Variants in FAF1 observed in about 807,000 individuals in gnomAD.
FAF1 encodes Fas associated factor 1.
FAF1 carries 25 observed loss-of-function variants against 92.5 expected under a neutral mutation model. The ratio of observed to expected loss-of-function variants is 0.27; its 90% CI spans 0.20 to 0.38. FAF1 has a LOEUF of 0.38. Ranked by LOEUF, FAF1 falls within the 10% of genes least tolerant of loss-of-function variation. The pLI is 1.00. For missense variants in FAF1, 636 were observed against 793.3 expected (o/e 0.80, Z 2.38); for synonymous variants, 234 against 273.2 (o/e 0.86, Z 1.42).
intron 2 of FAF1, among the ~76,000 whole-genome samples, chr1:50,834,623 A>C (rs1644184134): frequency 6.6e-6 from 1 of 152,208 alleles, no homozygotes; most frequent in African/African-American, 2.4e-5. Flanking sequence ...CTATTCCAAT[A>C]CTCAGGATGA....
At chr1:50,736,959 T>C (rs1388164285) in intron 6 of FAF1, among the ~76,000 whole-genome samples, 2 of 152,214 alleles carry the variant, frequency 1.3e-5, no homozygotes, top group African/African-American at 2.4e-5. Flanking sequence ...GAAAGATACA[T>C]TGAATAAACA....
At chr1:50,718,751 A>G (rs955759489) in intron 6 of FAF1, among the ~76,000 whole-genome samples, 1 of 152,202 alleles carries the variant, frequency 6.6e-6, no homozygotes, top group African/African-American at 2.4e-5. Context: ...TTTACCATTT[A>G]TATCTTTCCA....
chr1:50,512,647 T>C (rs1234786679), intron 15 of FAF1, among the ~76,000 whole-genome samples: 1 of 152,220 alleles, frequency 6.6e-6, no homozygotes, highest in East Asian at 1.9e-4. Flanking sequence ...CCTTGTAGTA[T>C]AGTTTGAAGT....
At chr1:50,556,772 G>C (rs1272193332) in intron 13 of FAF1, among the ~76,000 whole-genome samples, 1 of 152,054 alleles carries the variant, frequency 6.6e-6, no homozygotes, top group Non-Finnish European at 1.5e-5. Flanking sequence ...AGCAGGTTGA[G>C]GCTGCAGTAA....
At chr1:50,485,105 A>G (rs996444208) in intron 17 of FAF1, among the ~76,000 whole-genome samples, 1 of 151,364 alleles carries the variant, frequency 6.6e-6, no homozygotes, top group Non-Finnish European at 1.5e-5. Flanking sequence ...AAAGTATAAT[A>G]AAAAAAAGAA....
chr1:50,576,041 G>T (rs189890061), intron 12 of FAF1, among the ~76,000 whole-genome samples: 3 of 152,272 alleles, frequency 2.0e-5, no homozygotes, highest in East Asian at 3.9e-4. Context: ...TGTTCATGGG[G>T]TTCTCAAAAT....
At chr1:50,919,035 T>G (rs1644942232) in intron 1 of FAF1, among the ~76,000 whole-genome samples, 1 of 152,200 alleles carries the variant, frequency 6.6e-6, no homozygotes, top group South Asian at 2.1e-4. Context: ...GAACTTTTAC[T>G]CATCAATAAA....
chr1:50,458,143 G>T (rs1036236110), intron 18 of FAF1, among the ~76,000 whole-genome samples: 2 of 152,012 alleles, frequency 1.3e-5, no homozygotes, highest in Non-Finnish European at 2.9e-5. Flanking sequence ...AACCTGGGAG[G>T]CAGAGGTTGC....
chr1:50,490,392 G>T, intron 17 of FAF1, among the ~76,000 whole-genome samples, 196 bp downstream of exon 17: 2 of 17,896 alleles, frequency 1.1e-4, no homozygotes, highest in Non-Finnish European at 3.1e-4. Context: ...AAAAAGGAAG[G>T]AAGGAAGGAA....
chr1:50,615,125 A>G (rs1652852694), intron 8 of FAF1, among the ~76,000 whole-genome samples: 1 of 152,148 alleles, frequency 6.6e-6, no homozygotes, highest in Admixed American at 6.6e-5. Flanking sequence ...CTTGTAAGTG[A>G]GAACACACAG....
At chr1:50,637,501 T>G (rs951785169) in intron 8 of FAF1, among the ~76,000 whole-genome samples, 3 of 151,426 alleles carry the variant, frequency 2.0e-5, no homozygotes, top group Non-Finnish European at 4.4e-5. Context: ...TTAGGAACAC[T>G]AGCTCTTTCA....
chr1:50,906,594 C>T (rs555846398), intron 1 of FAF1, among the ~76,000 whole-genome samples: 9 of 152,286 alleles, frequency 5.9e-5, no homozygotes, highest in Non-Finnish European at 7.4e-5. Context: ...AGGTCCTTCA[C>T]GTCCCTTGTA....
At chr1:50,711,311 T>C (rs1249739510) in intron 6 of FAF1, among the ~76,000 whole-genome samples, 1 of 152,192 alleles carries the variant, frequency 6.6e-6, no homozygotes, top group Non-Finnish European at 1.5e-5. Flanking sequence ...CTTACAGTGA[T>C]AGTGAAACAT....
At chr1:50,669,050 A>G (rs1267703261) in intron 7 of FAF1, among the ~76,000 whole-genome samples, 1 of 152,210 alleles carries the variant, frequency 6.6e-6, no homozygotes, top group African/African-American at 2.4e-5. Context: ...TGCTACACAC[A>G]GTATACCCCT....
chr1:50,886,298 T>C (rs1438584577), intron 1 of FAF1, among the ~76,000 whole-genome samples: 1 of 152,206 alleles, frequency 6.6e-6, no homozygotes, highest in Non-Finnish European at 1.5e-5. Context: ...CGCTTTTCTT[T>C]GGGAAAGTAT....
intron 7 of FAF1, among the ~76,000 whole-genome samples, chr1:50,662,260 T>A (rs1041945159): frequency 3.3e-5 from 5 of 152,230 alleles, no homozygotes; most frequent in Non-Finnish European, 4.4e-5. Context: ...TGAAGTTGCT[T>A]TCAATCAGGC....
intron 8 of FAF1, among the ~76,000 whole-genome samples, chr1:50,654,153 G>C (rs1386204087): frequency 6.6e-6 from 1 of 152,076 alleles, no homozygotes; most frequent in Non-Finnish European, 1.5e-5. Flanking sequence ...ATATATAGTG[G>C]TGATGCTGGA....
intron 1 of FAF1, among the ~76,000 whole-genome samples, chr1:50,923,622 CA>C (rs1644982491): frequency 6.6e-6 from 1 of 151,818 alleles, no homozygotes; most frequent in African/African-American, 2.4e-5. Context: ...AAGAACACAA[CA>C]AAAAAAGAAA....
chr1:50,478,326 G>C (rs748787194), intron 17 of FAF1, among the ~76,000 whole-genome samples: 3 of 152,020 alleles, frequency 2.0e-5, no homozygotes, highest in Non-Finnish European at 4.4e-5. Context: ...AGCACACCTG[G>C]CTAATTTTTG....
Sources: allele counts gnomAD v4.1 joint callset (sites outside exome capture counted in the v4.1 genomes callset), GRCh38; gene constraint gnomAD v4.1.1; transcripts MANE v1.5; gene names NCBI Gene and HGNC (gene_info 2026-07-23, HGNC 2026-07-21).